The following SLC9B1 variants were observed in gnomAD, a reference collection of about 807,000 sequenced individuals.
SLC9B1 encodes solute carrier family 9 member B1.
Under a neutral mutation model 51.7 loss-of-function variants are expected in SLC9B1, and 32 were observed. That is an observed-to-expected ratio of 0.62 (90% CI 0.47 to 0.83). The LOEUF (loss-of-function observed/expected upper bound fraction) is 0.83. Among genes scored for constraint, SLC9B1 ranks in the 40% least tolerant of loss-of-function variants. SLC9B1 has a pLI of 0.00. For missense variants in SLC9B1, 406 were observed against 613.2 expected, an observed-to-expected ratio of 0.66 and a Z score of 3.57; for synonymous variants, 145 against 212.7, an observed-to-expected ratio of 0.68 and a Z score of 2.77.
At chr4:102,939,771 A>G (rs1736899932) in intron 6 of SLC9B1, among the ~76,000 whole-genome samples, 1 of 152,226 alleles carries the variant, frequency 6.6e-6, no homozygotes, top group Non-Finnish European at 1.5e-5. Context: ...AATAAATGTG[A>G]TTCATCATAT....
chr4:102,913,586 TAAG>T (rs890819919), intron 7 of SLC9B1, among the ~76,000 whole-genome samples: 11 of 151,526 alleles, frequency 7.3e-5, no homozygotes, highest in African/African-American at 2.7e-4. Context: ...ATAACAGGCA[TAAG>T]AAGAAACAGA....
intron 1 of SLC9B1, among the ~76,000 whole-genome samples, chr4:103,006,898 G>T (rs1172677436): frequency 6.6e-6 from 1 of 152,092 alleles, no homozygotes; most frequent in Non-Finnish European, 1.5e-5. Context: ...TAATAATCTC[G>T]ATACAGAAAT....
At chr4:102,995,492 T>C (rs1041708098) in intron 1 of SLC9B1, among the ~76,000 whole-genome samples, 2 of 152,130 alleles carry the variant, frequency 1.3e-5, no homozygotes, top group Non-Finnish European at 2.9e-5. Flanking sequence ...ATGATTAGGA[T>C]AGCAGGGCTT....
chr4:102,940,607 G>C (rs546841125), intron 6 of SLC9B1, among the ~76,000 whole-genome samples: 1 of 152,260 alleles, frequency 6.6e-6, no homozygotes, highest in East Asian at 1.9e-4. Flanking sequence ...CACACTACCT[G>C]ACTTCGAACG....
chr4:103,014,730 A>G (rs1319413234), intron 1 of SLC9B1: 1 of 152,238 alleles, frequency 6.6e-6, no homozygotes. Context: ...CCAGCCAGCC[A>G]ATACTTTCTA....
chr4:102,896,179 T>C (rs1734524877), downstream of SLC9B1, among the ~76,000 whole-genome samples: 2 of 152,160 alleles, frequency 1.3e-5, no homozygotes, highest in Admixed American at 1.3e-4. Context: ...CACTGAGACA[T>C]GAAAGCCTCC....
chr4:102,887,031 C>G (rs1208545989), intron 11 of SLC9B1, among the ~76,000 whole-genome samples: 1 of 152,102 alleles, frequency 6.6e-6, no homozygotes, highest in African/African-American at 2.4e-5. Flanking sequence ...TAGGTGAGCT[C>G]GAATTTTAAG....
At chr4:102,975,567 T>TATACATATAC (rs1418404173) in intron 3 of SLC9B1, among the ~76,000 whole-genome samples, 5 of 96,188 alleles carry the variant, frequency 5.2e-5, no homozygotes, top group African/African-American at 2.2e-4. Flanking sequence ...TATATATACA[T>TATACATATAC]ATATATATAT....
chr4:102,920,663 A>G (rs1220469719), intron 7 of SLC9B1, among the ~76,000 whole-genome samples: 1 of 152,202 alleles, frequency 6.6e-6, no homozygotes, highest in Non-Finnish European at 1.5e-5. Flanking sequence ...AAAACCTTGA[A>G]AAAAGATTAG....
intron 3 of SLC9B1, among the ~76,000 whole-genome samples, chr4:102,961,379 T>C (rs987575287): frequency 2.6e-5 from 4 of 152,298 alleles, no homozygotes; most frequent in African/African-American, 9.6e-5. Flanking sequence ...ACTGACTACA[T>C]ACTTCAGATC....
At chr4:102,894,868 G>A (rs1246274024) in intron 11 of SLC9B1, among the ~76,000 whole-genome samples, 1 of 152,090 alleles carries the variant, frequency 6.6e-6, no homozygotes, top group Non-Finnish European at 1.5e-5. Context: ...GGGAGGTTGG[G>A]GCTTCAGTGA....
intron 9 of SLC9B1, among the ~76,000 whole-genome samples, chr4:102,908,568 CTA>C (rs1735175484): frequency 6.6e-6 from 1 of 152,148 alleles, no homozygotes; most frequent in East Asian, 1.9e-4. Context: ...GATTAAAAGA[CTA>C]AATGAAAAAA....
chr4:102,899,524 C>G (rs1158711731), downstream of SLC9B1, among the ~76,000 whole-genome samples: 2 of 151,846 alleles, frequency 1.3e-5, no homozygotes, highest in Admixed American at 6.6e-5. Context: ...AGCGATTCTC[C>G]TGCCTTAGCC....
chr4:102,921,722 C>A (rs1335868160), intron 7 of SLC9B1, among the ~76,000 whole-genome samples: 4 of 152,076 alleles, frequency 2.6e-5, no homozygotes, highest in Non-Finnish European at 4.4e-5. Flanking sequence ...GAAGATCTAC[C>A]AAACAAATGG....
chr4:102,967,435 GT>G (rs1183505707), intron 3 of SLC9B1, among the ~76,000 whole-genome samples: 2 of 138,768 alleles, frequency 1.4e-5, no homozygotes, highest in African/African-American at 5.3e-5. Flanking sequence ...TTATAAAGAG[GT>G]ATATTTGGCT....
intron 6 of SLC9B1, among the ~76,000 whole-genome samples, chr4:102,943,160 A>G (rs1332079695): frequency 1.7e-5 from 2 of 116,920 alleles, no homozygotes; most frequent in Non-Finnish European, 3.7e-5. Flanking sequence ...GCCATAATCA[A>G]AAAAATAAAA....
chr4:102,971,666 T>G (rs4699042), intron 3 of SLC9B1, among the ~76,000 whole-genome samples: 2 of 151,760 alleles, frequency 1.3e-5, no homozygotes, highest in African/African-American at 4.8e-5. Context: ...GATAGAGACA[T>G]AAAAAACCCT....
chr4:102,991,825 G>A, intron 1 of SLC9B1, 113 bp from the exon 2 acceptor site: 1 of 650,716 alleles, frequency 1.5e-6, no homozygotes, highest in Non-Finnish European at 2.5e-6. Context: ...TTCTAAAGTT[G>A]TATCACAGTC....
chr4:102,977,502 T>C (rs901581096), intron 3 of SLC9B1, among the ~76,000 whole-genome samples: 1 of 152,198 alleles, frequency 6.6e-6, no homozygotes, highest in Non-Finnish European at 1.5e-5. Flanking sequence ...CAGAACCTTA[T>C]AGGTATTCAA....
Sources: gnomAD v4.1 joint callset for allele counts (sites outside exome capture counted in the v4.1 genomes callset) on GRCh38, gnomAD v4.1.1 for gene constraint, MANE v1.5 for transcripts, NCBI Gene and HGNC (gene_info 2026-07-23, HGNC 2026-07-21) for gene names.